Variants in AKR1C3 observed in about 807,000 individuals in gnomAD.
The protein encoded by AKR1C3 is aldo-keto reductase family 1 member C3, also known as 3-alpha hydroxysteroid dehydrogenase, type II.
Under a neutral mutation model 43.6 loss-of-function variants are expected in AKR1C3, and 48 were observed. That is an observed-to-expected ratio of 1.10 (90% CI 0.87 to 1.40). The LOEUF is 1.40. Ranked by LOEUF, AKR1C3 falls within the 40% of genes most tolerant of loss-of-function variation. The probability of loss-of-function intolerance (pLI) is 0.00; values close to 1 mark genes in which losing one functional copy is unlikely to be tolerated. For synonymous variants in AKR1C3, 162 were observed against 139.6 expected, an observed-to-expected ratio of 1.16 and a Z score of -1.13; for missense variants, 482 against 391.2, an observed-to-expected ratio of 1.23 and a Z score of -1.96.
intron 7 of AKR1C3, among the ~76,000 whole-genome samples, chr10:5,104,029 G>T (rs1278666219): frequency 6.6e-6 from 1 of 151,798 alleles, no homozygotes; most frequent in Non-Finnish European, 1.5e-5. Flanking sequence ...TAGAGATTTA[G>T]ATGTATTATT....
intron 1 of AKR1C3, among the ~76,000 whole-genome samples, chr10:5,050,713 T>C (rs1009983797): frequency 3.3e-5 from 5 of 152,258 alleles, no homozygotes; most frequent in African/African-American, 7.2e-5. Flanking sequence ...TAAGGATAAG[T>C]AGGCATTTGT....
intron 1 of AKR1C3, among the ~76,000 whole-genome samples, chr10:5,074,930 CCTGTTG>C (rs1838681555): frequency 2.0e-5 from 3 of 152,150 alleles, no homozygotes; most frequent in Admixed American, 6.5e-5. Flanking sequence ...TCCTCTGCCC[CCTGTTG>C]TTGATGTGAG....
intron 1 of AKR1C3, among the ~76,000 whole-genome samples, chr10:5,087,100 T>C (rs1838983378): frequency 6.6e-6 from 1 of 152,152 alleles, no homozygotes; most frequent in Non-Finnish European, 1.5e-5. Context: ...GTGAATTTGA[T>C]CCTGTCATTA....
Position 5,064,931 on chromosome 10 carries a change from AAATT to A in AKR1C3, c.84+16039_84+16042del, listed in dbSNP as rs1325242951. Among the ~76,000 whole-genome samples, 30 of 151,448 alleles carry A rather than the reference AAATT, an allele frequency of 2.0e-4. 2 individuals are homozygous for A. The highest frequency in any genetic ancestry group is 7.0e-4 in the African/African-American group (29 of 41,280). ...CCTAAACAAAATAAGCAAAAAAAAAAAATTAAAAAGTGGGGAAAATACATGAACA... is the reference window on the plus strand; with the variant it reads ...CCTAAACAAAATAAGCAAAAAAAAAAAAAAAGTGGGGAAAATACATGAACA... On this transcript the variant is annotated intron_variant, in intron 1 of 8. Coordinates refer to the AKR1C3 transcript ENST00000439082.
chr10:5,068,355 C>T (rs1838552260), intron 1 of AKR1C3, among the ~76,000 whole-genome samples: 1 of 152,030 alleles, frequency 6.6e-6, no homozygotes, highest in Non-Finnish European at 1.5e-5. Flanking sequence ...TGGATGTTTT[C>T]AGGGGCCATC....
chr10:5,105,417 AT>A lies in AKR1C3; in HGVS notation c.847-175del, dbSNP rs375268797. On this transcript the variant is annotated intron_variant, in intron 7 of 8. Coordinates refer to ENST00000380554, the MANE Select transcript of AKR1C3 (RefSeq NM_003739.6). ...TTCAATACATAATATCTAGGAATGG[AT>A]TTCTGCTTATTTTTCGTGAGCTATT... 3,206 of 512,022 alleles carry A rather than the reference AT, an allele frequency of 6.3e-3. 33 individuals carry two copies. The highest frequency in any genetic ancestry group is 0.019 in the South Asian group (646 of 34,650). 31.7% of individuals were successfully genotyped at this position (512,022 alleles called of 1,614,324 possible).
At chr10:5,106,619 C>T (rs782121978) in intron 8 of AKR1C3, among the ~76,000 whole-genome samples, 1 of 152,072 alleles carries the variant, frequency 6.6e-6, no homozygotes, top group Non-Finnish European at 1.5e-5. Flanking sequence ...GGCATGGTGA[C>T]ACTTACCTGT....
At position 5,107,590 on chromosome 10, in the gene AKR1C3, T is replaced by G; in HGVS notation, c.*87T>G. On this transcript the variant is annotated 3_prime_UTR_variant, in exon 9 of 9. Coordinates refer to ENST00000380554, the MANE Select transcript of AKR1C3 (RefSeq NM_003739.6). ...GTCTCTATGCCGGTGACTGGACATA[T>G]CACCTCTACTTAAATCCGTCCTGTT... 9.4e-7 allele frequency: 1 copy of G among 1,058,948 alleles called. No individual in the cohort carries two copies. Among genetic ancestry groups the G allele is most frequent in the Non-Finnish European group, 1.4e-6 (1 of 695,676 alleles). The allele number at this position is 1,058,948 out of a possible 1,614,324, so 65.6% of individuals were successfully genotyped here. A position where few individuals can be genotyped will look rare whatever the true frequency, so the allele number is the denominator to read the frequency against.
intron 1 of AKR1C3, among the ~76,000 whole-genome samples, chr10:5,083,091 TAC>T (rs59903975): frequency 0.84 from 127,987 of 151,962 alleles, 53,917 homozygotes; most frequent in Middle Eastern, 0.91. Context: ...TTTATTATTA[TAC>T]ACTTTAAGTT....
In AKR1C3 at chr10:5,100,819, A is replaced by T. The variant is rs181617163; in HGVS notation, c.571-1282A>T. Among the ~76,000 whole-genome samples, 4 of 152,338 alleles carry T rather than the reference A, an allele frequency of 2.6e-5. No homozygotes were observed. The East Asian group carries it at 7.7e-4, about 29-fold the overall frequency. ...ACTTTCAGAAAATTTGATAAAAATAATACACGATTCAACATAACCATTTAT... is the reference window on the plus strand; with the variant it reads ...ACTTTCAGAAAATTTGATAAAAATATTACACGATTCAACATAACCATTTAT... On this transcript the variant is annotated intron_variant, in intron 5 of 8. Transcript: ENST00000380554.
At chr10:5,095,454 C>T (rs1470318020) in intron 1 of AKR1C3, among the ~76,000 whole-genome samples, 1 of 147,866 alleles carries the variant, frequency 6.8e-6, no homozygotes, top group Non-Finnish European at 1.5e-5. Flanking sequence ...AGTGTTGGCA[C>T]ACTTAAAGAC....
In AKR1C3 at chr10:5,098,828, T is replaced by C. The variant is rs1839278520; in HGVS notation, c.396T>C (p.Asp132=). 1.9e-6 allele frequency: 3 copies of C among 1,613,772 alleles called. No individual in the cohort carries two copies. Among genetic ancestry groups the C allele is most frequent in the Non-Finnish European group, 2.5e-6 (3 of 1,179,922 alleles). The change falls in exon 4 of 9, where the codon GAT becomes GAC. Residue 132 remains aspartate (D), a synonymous_variant. Transcript: ENST00000380554. ...CAGGTGAGGAACTTTCACCAACAGA[T>C]GAAAATGGAAAAGTAATATTTGACA... The part of the protein sequence containing the change: ...LKPGEELSPT[D]ENGKVIFDIV...
At chr10:5,069,090 C>T (rs1838566228) in intron 1 of AKR1C3, among the ~76,000 whole-genome samples, 1 of 149,008 alleles carries the variant, frequency 6.7e-6, no homozygotes, top group Admixed American at 6.7e-5. Flanking sequence ...GATTTAAGCT[C>T]TTATATTATT....
Position 5,082,342 on chromosome 10 carries a change from G to T in AKR1C3, c.85-14068G>T, listed in dbSNP as rs533687901. Among the ~76,000 whole-genome samples the T allele has an allele frequency of 3.9e-5, 6 of 152,250 alleles. No individual in the cohort carries two copies. The South Asian group carries it at 1.2e-3, about 32-fold the overall frequency. On this transcript the variant is annotated intron_variant, in intron 1 of 8. Transcript: ENST00000439082. ...TTTTGTGTTGAATAGGAGTGGTGGA[G>T]TGGACATCCTTGTCTTGTTCCAGTT...
chr10:5,062,387 T>C (rs1457096437), intron 1 of AKR1C3, among the ~76,000 whole-genome samples: 1 of 152,210 alleles, frequency 6.6e-6, no homozygotes, highest in Non-Finnish European at 1.5e-5. Context: ...TTCATTCCCT[T>C]GATGGTCTCT....
At position 5,106,996 on chromosome 10, in the gene AKR1C3, T is replaced by C. The variant is rs1405775303; in HGVS notation, c.930-465T>C. ...TATCATCCATTAAAAATGTAATAAG[T>C]TGGTGTTTATCTGTTCCTTTATATT... On this transcript the variant is annotated intron_variant, in intron 8 of 8. Coordinates refer to ENST00000380554, the MANE Select transcript of AKR1C3 (RefSeq NM_003739.6). Among the ~76,000 whole-genome samples, 29 of 152,004 alleles carry C rather than the reference T, an allele frequency of 1.9e-4. 2 individuals carry two copies. The highest frequency in any genetic ancestry group is 4.4e-5 in the Non-Finnish European group (3 of 67,994).
At position 5,098,824 on chromosome 10, in the gene AKR1C3, C is replaced by T; in HGVS notation, c.392C>T (p.Thr131Ile). The change falls in exon 4 of 9, where the codon ACA becomes ATA. Residue 131 changes from threonine to isoleucine, a missense_variant. Physicochemically the swap from Thr to Ile is moderately conservative, Grantham distance 89. Coordinates refer to ENST00000380554, the MANE Select transcript of AKR1C3 (RefSeq NM_003739.6). ...CAGCCAGGTGAGGAACTTTCACCAA[C>T]AGATGAAAATGGAAAAGTAATATTT... ...SLKPGEELSP[T>I]DENGKVIFDI... 6.2e-7 allele frequency: 1 copy of T among 1,613,522 alleles called. No homozygotes were observed. The highest frequency in any genetic ancestry group is 1.1e-5 in the South Asian group (1 of 90,936).
chr10:5,074,806 C>T (rs1233098453), intron 1 of AKR1C3, among the ~76,000 whole-genome samples: 3 of 152,146 alleles, frequency 2.0e-5, no homozygotes, highest in Non-Finnish European at 4.4e-5. Context: ...GATACAAATC[C>T]ATAGCTTATC....
chr10:5,081,078 G>A (rs930822021), intron 1 of AKR1C3, among the ~76,000 whole-genome samples: 2 of 152,134 alleles, frequency 1.3e-5, no homozygotes, highest in South Asian at 2.1e-4. Context: ...CTTAAAGTGG[G>A]TATTTACACA....
Sources: gnomAD v4.1 joint callset for allele counts (sites outside exome capture counted in the v4.1 genomes callset) on GRCh38, gnomAD v4.1.1 for gene constraint, MANE v1.5 for transcripts, NCBI Gene and HGNC (gene_info 2026-07-23, HGNC 2026-07-21) for gene names.